KALRN: variants seen among roughly 807,000 people sequenced by gnomAD.
KALRN encodes the protein kalirin.
Under a neutral mutation model 353.7 loss-of-function variants are expected in KALRN, and 70 were observed. That is an observed-to-expected ratio of 0.20 (90% CI 0.16 to 0.24). KALRN has a LOEUF of 0.24. Ranked by LOEUF, KALRN falls within the 10% of genes least tolerant of loss-of-function variation. The pLI is 1.00. For missense variants in KALRN, 2,791 were observed against 3,756.7 expected, an observed-to-expected ratio of 0.74 and a Z score of 6.72; for synonymous variants, 1,391 against 1,434.8, an observed-to-expected ratio of 0.97 and a Z score of 0.69.
intron 13 of KALRN, among the ~76,000 whole-genome samples, chr3:124,401,403 G>A (rs1222024114): frequency 6.6e-6 from 1 of 152,170 alleles, no homozygotes; most frequent in African/African-American, 2.4e-5. Flanking sequence ...TACTCAGGAG[G>A]CTAAGATGGT....
chr3:124,112,583 G>A (rs1578190928), intron 1 of KALRN, among the ~76,000 whole-genome samples: 1 of 152,176 alleles, frequency 6.6e-6, no homozygotes, highest in Non-Finnish European at 1.5e-5. Context: ...AGTATCTAAT[G>A]AGCAGAGGTC....
chr3:124,216,410 T>A (rs2077337738), intron 1 of KALRN, among the ~76,000 whole-genome samples: 1 of 152,198 alleles, frequency 6.6e-6, no homozygotes. Flanking sequence ...GTGTCATAGA[T>A]CCCGTTGAAA....
intron 1 of KALRN, among the ~76,000 whole-genome samples, chr3:124,150,846 C>T (rs1051343191): frequency 1.3e-5 from 2 of 152,070 alleles, no homozygotes; most frequent in Admixed American, 1.3e-4. Flanking sequence ...GAACATTAGC[C>T]CCTGCAGGGT....
At position 124,613,060 on chromosome 3, in the gene KALRN, T is replaced by TGCTGATCATGGAGCCAGGGGTTTTA. The variant is rs1480801353; in HGVS notation, c.5183-19356_5183-19332dup. 7.9e-5 allele frequency among the ~76,000 whole-genome samples: 12 copies of TGCTGATCATGGAGCCAGGGGTTTTA among 152,316 alleles called. No individual in the cohort carries two copies. In the South Asian group the frequency reaches 8.3e-4, roughly 11 times the overall value. ...ACTGGTGACATTCCATACCAATCAT[T>TGCTGATCATGGAGCCAGGGGTTTTA]GCTGATCATGGAGCCAGGGGTTTTA... is the stretch of plus-strand genomic sequence containing the variant. On this transcript the variant is annotated intron_variant, in intron 34 of 59. Transcript: ENST00000682506.
chr3:124,054,758 T>C (rs2041369441), intron 1 of KALRN, among the ~76,000 whole-genome samples: 2 of 152,194 alleles, frequency 1.3e-5, no homozygotes, highest in African/African-American at 4.8e-5. Context: ...GTAGGAGCTT[T>C]GTGAGTTGTA....
At chr3:124,043,651 G>A (rs993205277) in intron 1 of KALRN, among the ~76,000 whole-genome samples, 3 of 152,178 alleles carry the variant, frequency 2.0e-5, no homozygotes, top group African/African-American at 7.2e-5. Context: ...CCATGCTTGG[G>A]GAGGGTAGTA....
At chr3:124,489,434 G>A (rs959745711) in intron 29 of KALRN, among the ~76,000 whole-genome samples, 2 of 151,978 alleles carry the variant, frequency 1.3e-5, no homozygotes, top group Middle Eastern at 3.2e-3. Context: ...ATCCTACTCC[G>A]CCAATACCAC....
In KALRN at chr3:124,413,643, C is replaced by T. The variant is rs781382983; in HGVS notation, c.2520C>T (p.Tyr840=). 2.5e-6 allele frequency: 4 copies of T among 1,613,998 alleles called. No homozygotes were observed. In the South Asian group the frequency reaches 4.4e-5, roughly 18 times the overall value. ...AGCAGGGACAGGATCTGCACCAGTA[C>T]ATCACGGAGGTCCAGGCATCAGGTG... is the stretch of plus-strand genomic sequence containing the variant. The part of the protein sequence containing the change: ...VIQQGQDLHQ[Y]ITEVQASGIE... The change falls in exon 14 of 60, where the codon TAC becomes TAT. Residue 840 remains tyrosine (Y), a synonymous_variant. Coordinates refer to ENST00000682506, the MANE Select transcript of KALRN (RefSeq NM_001388419.1).
intron 1 of KALRN, among the ~76,000 whole-genome samples, chr3:124,154,465 T>C (rs574055009): frequency 2.2e-4 from 34 of 152,206 alleles, no homozygotes; most frequent in African/African-American, 7.0e-4. Context: ...TATACACGAA[T>C]AACAGACAAA....
chr3:124,094,843 G>A, intron 1 of KALRN: 1 of 1,613,932 alleles, frequency 6.2e-7, no homozygotes, highest in Non-Finnish European at 8.5e-7. Context: ...GTGGGATGAC[G>A]GACCGCTTCT....
At chr3:124,623,994 C>T (rs540072008) in intron 34 of KALRN, among the ~76,000 whole-genome samples, 1 of 152,330 alleles carries the variant, frequency 6.6e-6, no homozygotes, top group Admixed American at 6.5e-5. Flanking sequence ...TCACTTTCCA[C>T]AGTTTCAGTT....
Position 124,422,945 on chromosome 3 carries a change from C to G in KALRN, c.2676C>G (p.Leu892=), listed in dbSNP as rs777554335. 6.2e-7 allele frequency: 1 copy of G among 1,613,684 alleles called. No individual in the cohort carries two copies. Among genetic ancestry groups the G allele is most frequent in the South Asian group, 1.1e-5 (1 of 91,054 alleles). The change falls in exon 15 of 60, where the codon CTC becomes CTG. Residue 892 remains leucine, a synonymous_variant. Coordinates refer to ENST00000682506, the MANE Select transcript of KALRN (RefSeq NM_001388419.1). ...EQTHKRLEQC[L]QLRHLQAEVK... ...CTCATAAGCGGCTAGAGCAGTGCCT[C>G]CAATTACGTCACCTCCAGGCTGAAG...
At chr3:124,551,678 C>G (rs1158861836) in intron 33 of KALRN, among the ~76,000 whole-genome samples, 1 of 152,236 alleles carries the variant, frequency 6.6e-6, no homozygotes, top group Non-Finnish European at 1.5e-5. Context: ...TGAGGCAGCA[C>G]TGGTAAGAGC....
At chr3:124,198,397 C>T (rs1017941623) in intron 1 of KALRN, among the ~76,000 whole-genome samples, 1 of 152,190 alleles carries the variant, frequency 6.6e-6, no homozygotes, top group African/African-American at 2.4e-5. Context: ...CCAGAAAATG[C>T]GTGTCAAGTC....
chr3:124,094,229 G>A (rs547735836), intron 1 of KALRN: 156 of 157,676 alleles, frequency 9.9e-4, no homozygotes, highest in Non-Finnish European at 1.7e-3. Flanking sequence ...TATAACAAAG[G>A]TTCCATGAAG....
At chr3:124,666,778 G>A (rs1174149404) in intron 46 of KALRN, 144 bp downstream of exon 46, 11 of 750,462 alleles carry the variant, frequency 1.5e-5, no homozygotes, top group Admixed American at 2.6e-5. Context: ...GAGGCTGCAC[G>A]ACAGTGATTA....
chr3:124,358,708 C>T (rs1198553947), intron 10 of KALRN, among the ~76,000 whole-genome samples: 1 of 152,140 alleles, frequency 6.6e-6, no homozygotes, highest in Non-Finnish European at 1.5e-5. Flanking sequence ...CTTATGTTAA[C>T]TTATTTATTT....
At chr3:124,297,579 C>T (rs1458797653) in intron 5 of KALRN, among the ~76,000 whole-genome samples, 4 of 152,174 alleles carry the variant, frequency 2.6e-5, no homozygotes, top group Admixed American at 6.6e-5. Context: ...CCTTCCAGTC[C>T]GCATCCCCTT....
chr3:124,369,577 A>G (rs940807776), intron 10 of KALRN, among the ~76,000 whole-genome samples: 1 of 152,214 alleles, frequency 6.6e-6, no homozygotes, highest in Admixed American at 6.5e-5. Flanking sequence ...GCATCACCTC[A>G]CATAGTTATC....
Sources: allele counts gnomAD v4.1 joint callset (sites outside exome capture counted in the v4.1 genomes callset), GRCh38; gene constraint gnomAD v4.1.1; transcripts MANE v1.5; gene names NCBI Gene and HGNC (gene_info 2026-07-23, HGNC 2026-07-21).